The following NUDT13 variants were observed in gnomAD, a reference collection of about 807,000 sequenced individuals.
The protein encoded by NUDT13 is nudix hydrolase 13.
Under a neutral mutation model 41.7 loss-of-function variants are expected in NUDT13, and 40 were observed. That is an observed-to-expected ratio of 0.96 (90% CI 0.75 to 1.25). The LOEUF is 1.25. NUDT13 is among the 50% of genes most tolerant of loss of function. NUDT13 has a pLI of 0.00. For missense variants in NUDT13, 390 were observed against 416.1 expected (o/e 0.94, Z 0.55); for synonymous variants, 145 against 155.5 (o/e 0.93, Z 0.50).
At chr10:73,119,076 C>T (rs1252210984) in intron 2 of NUDT13, among the ~76,000 whole-genome samples, 1 of 151,474 alleles carries the variant, frequency 6.6e-6, no homozygotes, top group Admixed American at 6.6e-5. Flanking sequence ...GATGGAGTCT[C>T]GCTCTGTCAT....
At chr10:73,116,874 G>T (rs963997492) in intron 2 of NUDT13, among the ~76,000 whole-genome samples, 3 of 118,314 alleles carry the variant, frequency 2.5e-5, no homozygotes, top group African/African-American at 3.4e-5. Context: ...CAGACTACAA[G>T]AATTTTTTTT....
rs773230115 is a variant in NUDT13, at chr10:73,125,178, A to C, written c.526A>C (p.Thr176Pro). Residue 176 changes from threonine to proline, a missense_variant, in exon 6 of 9, where the codon ACC (threonine) becomes CCC (proline). Coordinates refer to ENST00000357321, the MANE Select transcript of NUDT13 (RefSeq NM_015901.6). Reference sequence around the variant, plus strand: ...GTTCTGCAGCAGAAGTGGGCAGCCCACCAAGAAGAACGTGGCTGGCAGCAA... The same window carrying C: ...GTTCTGCAGCAGAAGTGGGCAGCCCCCCAAGAAGAACGTGGCTGGCAGCAA... ...HQFCSRSGQP[T>P]KKNVAGSKRV... The C allele has an allele frequency of 1.2e-6, 2 of 1,613,736 alleles. No homozygotes were observed. The highest frequency in any genetic ancestry group is 3.3e-5 in the Admixed American group (2 of 59,858).
chr10:73,123,553 C>T (rs1208071835), intron 4 of NUDT13, among the ~76,000 whole-genome samples: 1 of 152,176 alleles, frequency 6.6e-6, no homozygotes, highest in Non-Finnish European at 1.5e-5. Context: ...TAAGAATCAC[C>T]TGGTGCTTGT....
chr10:73,112,144 A>G (rs1842379543), intron 1 of NUDT13, among the ~76,000 whole-genome samples: 1 of 152,214 alleles, frequency 6.6e-6, no homozygotes, highest in Non-Finnish European at 1.5e-5. Flanking sequence ...TGAGAACAGG[A>G]GTTCGAGACC....
intron 8 of NUDT13, among the ~76,000 whole-genome samples, chr10:73,127,028 G>A (rs1426372404): frequency 1.3e-5 from 2 of 151,650 alleles, no homozygotes; most frequent in African/African-American, 4.8e-5. Flanking sequence ...CGGATCACTT[G>A]AGGTCAGGAG....
chr10:73,130,702 G>C lies in NUDT13; in HGVS notation c.859-1G>C. ...ATCCTTTTCTTCCTTATGTCTTTCA[G>C]ATCCAGGTGAACTTGAGAGAATTAG... On this transcript the variant is annotated splice_acceptor_variant, in intron 8 of 8. Transcript: ENST00000357321. LOFTEE classifies it high-confidence loss of function. The C allele has an allele frequency of 6.2e-7, 1 of 1,612,904 alleles. No individual in the cohort carries two copies. Among genetic ancestry groups the C allele is most frequent in the Non-Finnish European group, 8.5e-7 (1 of 1,179,274 alleles).
intron 8 of NUDT13, chr10:73,130,474 AT>A (rs1432495882): frequency 3.8e-4 from 57 of 150,852 alleles, no homozygotes; most frequent in African/African-American, 7.5e-4. Flanking sequence ...AAAAAAAAAA[AT>A]ATATATATAT....
intron 8 of NUDT13, among the ~76,000 whole-genome samples, chr10:73,127,654 C>T (rs538004918): frequency 6.6e-6 from 1 of 151,184 alleles, no homozygotes; most frequent in South Asian, 2.1e-4. Flanking sequence ...ATTATCAAAC[C>T]GTCATCACTA....
Position 73,125,221 on chromosome 10 carries a change from A to G in NUDT13, c.569A>G (p.Asn190Ser), listed in dbSNP as rs1458273614. 19 of 1,612,278 alleles carry G rather than the reference A, an allele frequency of 1.2e-5. No homozygotes were observed. Among genetic ancestry groups the G allele is most frequent in the East Asian group, 8.9e-5 (4 of 44,848 alleles). ...GGCAGCAAGCGTGTGTGCCCTTCCAATAATATAATCTATTATCCACAGGTA... is the reference window on the plus strand; with the variant it reads ...GGCAGCAAGCGTGTGTGCCCTTCCAGTAATATAATCTATTATCCACAGGTA... ...VAGSKRVCPS[N>S]NIIYYPQMAP... The change falls in exon 6 of 9, where the codon AAT becomes AGT. Residue 190 changes from asparagine (N) to serine (S), a missense_variant. Coordinates refer to ENST00000357321, the MANE Select transcript of NUDT13 (RefSeq NM_015901.6).
chr10:73,131,176 CCCT>C lies in NUDT13; in HGVS notation c.*274_*276del. On this transcript the variant is annotated 3_prime_UTR_variant, in exon 9 of 9. Coordinates refer to ENST00000357321, the MANE Select transcript of NUDT13 (RefSeq NM_015901.6). ...GGGGAAGCATTAGTTTGGATGTAGG[CCCT>C]TGTTCAGTCATTTTCTCTAAGGCCT... 3.0e-6 allele frequency: 1 copy of C among 335,824 alleles called. No homozygotes were observed. Among genetic ancestry groups the C allele is most frequent in the Non-Finnish European group, 5.8e-6 (1 of 173,012 alleles). The allele number at this position is 335,824 out of a possible 1,614,324, so 20.8% of individuals were successfully genotyped here.
rs1305289457 is a variant in NUDT13, at chr10:73,120,013, T to C, written c.84-5T>C. On this transcript the variant is annotated splice_region_variant and splice_polypyrimidine_tract_variant and intron_variant, in intron 2 of 8. Transcript: ENST00000357321. ...TGTAATGGTTTGATTATTTCCCAAA[T>C]ACAGGTATTTATTTGAACTGAAGGA... 4 of 1,613,994 alleles carry C rather than the reference T, an allele frequency of 2.5e-6. No individual in the cohort carries two copies. The highest frequency in any genetic ancestry group is 3.4e-6 in the Non-Finnish European group (4 of 1,179,962).
chr10:73,110,997 G>A (rs563191930), intron 1 of NUDT13, among the ~76,000 whole-genome samples: 1 of 152,274 alleles, frequency 6.6e-6, no homozygotes, highest in African/African-American at 2.4e-5. Flanking sequence ...TCTAAACACA[G>A]GCGAAGTATC....
At chr10:73,126,900 T>TTAA in intron 8 of NUDT13, 73 bp downstream of exon 8, 1 of 1,278,960 alleles carries the variant, frequency 7.8e-7, no homozygotes, top group South Asian at 1.2e-5. Flanking sequence ...CAAGTACTTA[T>TTAA]TAAGCACTTG....
chr10:73,122,098 T>G, intron 3 of NUDT13, 77 bp from the exon 4 acceptor site: 664 of 1,470,974 alleles, frequency 4.5e-4, no homozygotes, highest in Non-Finnish European at 5.5e-4. Context: ...TGATTTTCTG[T>G]GAGTCTAATA....
At position 73,130,830 on chromosome 10, in the gene NUDT13, C is replaced by A; in HGVS notation, c.986C>A (p.Pro329His). 2 of 1,613,944 alleles carry A rather than the reference C, an allele frequency of 1.2e-6. No individual in the cohort carries two copies. The highest frequency in any genetic ancestry group is 1.1e-5 in the South Asian group (1 of 91,058). ...QNGTFPFWLP[P>H]KLAISHQLIK... ...GGGACTTTCCCATTCTGGCTGCCCCCTAAGTTAGCCATCTCCCACCAACTG... is the reference window on the plus strand; with the variant it reads ...GGGACTTTCCCATTCTGGCTGCCCCATAAGTTAGCCATCTCCCACCAACTG... Residue 329 changes from proline to histidine, a missense_variant, in exon 9 of 9, where the codon CCT (proline) becomes CAT (histidine). Pro to His is a moderately conservative substitution (Grantham distance 77). Transcript: ENST00000357321.
At chr10:73,113,176 C>G (rs536117134) in intron 1 of NUDT13, among the ~76,000 whole-genome samples, 7 of 152,262 alleles carry the variant, frequency 4.6e-5, no homozygotes, top group African/African-American at 1.4e-4. Flanking sequence ...CGTGAGCCAC[C>G]GCACCCAGCC....
In NUDT13 at chr10:73,125,417, C is replaced by CGA. The variant is rs1564653297; in HGVS notation, c.612_613insAG (p.Leu205SerfsTer31). 6.2e-7 allele frequency: 1 copy of CGA among 1,613,684 alleles called. No individual in the cohort carries two copies. The highest frequency in any genetic ancestry group is 1.1e-5 in the South Asian group (1 of 91,034). On this transcript the variant is annotated frameshift_variant, in exon 7 of 9. Coordinates refer to ENST00000357321, the MANE Select transcript of NUDT13 (RefSeq NM_015901.6). LOFTEE classifies it high-confidence loss of function. ...TCCTAGATGGCTCCTGTGGCGATCA[C>CGA]GCTGGTGTCAGATGGGACCCGATGC...
intron 8 of NUDT13, chr10:73,130,474 A>G (rs1321740347): frequency 5.3e-5 from 8 of 150,862 alleles, no homozygotes; most frequent in Non-Finnish European, 8.1e-5. Context: ...AAAAAAAAAA[A>G]TATATATATA....
Position 73,120,661 on chromosome 10 carries a change from A to T in NUDT13, c.223+504A>T, listed in dbSNP as rs183582390. Among the ~76,000 whole-genome samples, 261 of 152,234 alleles carry T rather than the reference A, an allele frequency of 1.7e-3. 3 individuals carry two copies. The highest frequency in any genetic ancestry group is 3.1e-3 in the South Asian group (15 of 4,830). Reference sequence around the variant, plus strand: ...GCTAATTCAGAGTTCCATCATGGCCAGGCGCGGTGGCTCACGCCTGTAATC... The same window carrying T: ...GCTAATTCAGAGTTCCATCATGGCCTGGCGCGGTGGCTCACGCCTGTAATC... On this transcript the variant is annotated intron_variant, in intron 3 of 8. Transcript: ENST00000357321.
Sources: allele counts gnomAD v4.1 joint callset (sites outside exome capture counted in the v4.1 genomes callset), GRCh38; gene constraint gnomAD v4.1.1; transcripts MANE v1.5; gene names NCBI Gene and HGNC (gene_info 2026-07-23, HGNC 2026-07-21).